Variants in MACROD2 observed in about 807,000 individuals in gnomAD.
MACROD2 encodes the protein mono-ADP ribosylhydrolase 2.
A neutral mutation model predicts 70.4 loss-of-function variants in MACROD2; 36 were observed. The observed-to-expected ratio is 0.51, with a 90% confidence interval of 0.39 to 0.68. The LOEUF (loss-of-function observed/expected upper bound fraction) is 0.68, where lower values mean the gene tolerates loss of function less well. Ranked by LOEUF, MACROD2 falls within the 30% of genes least tolerant of loss-of-function variation. The pLI is 0.00. For missense variants in MACROD2, 496 were observed against 538.4 expected (o/e 0.92, Z 0.78); for synonymous variants, 172 against 178.8 (o/e 0.96, Z 0.30).
At chr20:14,963,984 G>A (rs555263916) in intron 5 of MACROD2, among the ~76,000 whole-genome samples, 1 of 152,142 alleles carries the variant, frequency 6.6e-6, no homozygotes, top group Non-Finnish European at 1.5e-5. Context: ...TAATTCCTTG[G>A]TAGAGGGAGT....
At chr20:15,759,641 G>A (rs189587514) in intron 8 of MACROD2, among the ~76,000 whole-genome samples, 214 of 152,228 alleles carry the variant, frequency 1.4e-3, no homozygotes, top group Non-Finnish European at 2.4e-3. Flanking sequence ...GCACTCTACC[G>A]GGAGTTTAAA....
intron 3 of MACROD2, among the ~76,000 whole-genome samples, chr20:14,224,364 G>A (rs936937968): frequency 1.3e-5 from 2 of 152,162 alleles, no homozygotes; most frequent in Admixed American, 6.5e-5. Context: ...TGCTAAGACC[G>A]TGTGCCTTTC....
At chr20:14,498,377 C>T (rs367884920) in intron 4 of MACROD2, among the ~76,000 whole-genome samples, 2 of 152,226 alleles carry the variant, frequency 1.3e-5, no homozygotes, top group Admixed American at 6.5e-5. Context: ...ACACACCCAT[C>T]ATCTGTTTCT....
intron 5 of MACROD2, among the ~76,000 whole-genome samples, chr20:14,736,806 G>A (rs2071670370): frequency 6.6e-6 from 1 of 152,096 alleles, no homozygotes; most frequent in Non-Finnish European, 1.5e-5. Flanking sequence ...TAATTGGTCT[G>A]TTTCCGAAGC....
intron 5 of MACROD2, among the ~76,000 whole-genome samples, chr20:14,840,459 GC>G (rs568705315): frequency 1.5e-4 from 23 of 152,152 alleles, no homozygotes; most frequent in African/African-American, 4.3e-4. Context: ...CTGGTCTTGG[GC>G]TCTTGGACTC....
chr20:15,224,593 C>G (rs1432588364), intron 5 of MACROD2, among the ~76,000 whole-genome samples: 1 of 152,152 alleles, frequency 6.6e-6, no homozygotes, highest in Non-Finnish European at 1.5e-5. Context: ...GACAATTATT[C>G]AAAATTCTTT....
intron 3 of MACROD2, among the ~76,000 whole-genome samples, chr20:14,242,791 C>T (rs1295442663): frequency 6.6e-6 from 1 of 152,076 alleles, no homozygotes; most frequent in Admixed American, 6.6e-5. Context: ...GTAAAAATTA[C>T]TTTAAATTCA....
intron 5 of MACROD2, among the ~76,000 whole-genome samples, chr20:15,123,175 A>G (rs2076042883): frequency 6.6e-6 from 1 of 152,084 alleles, no homozygotes; most frequent in East Asian, 1.9e-4. Context: ...AGTTGAAGAG[A>G]TTTTCCTTTC....
At chr20:15,964,900 G>A (rs2066117072) in intron 12 of MACROD2, among the ~76,000 whole-genome samples, 1 of 152,186 alleles carries the variant, frequency 6.6e-6, no homozygotes, top group Admixed American at 6.5e-5. Context: ...TGTGTGTGGA[G>A]GTAGAACCAT....
intron 3 of MACROD2, among the ~76,000 whole-genome samples, chr20:14,489,431 A>G (rs2084769404): frequency 6.6e-6 from 1 of 152,218 alleles, no homozygotes; most frequent in Admixed American, 6.5e-5. Flanking sequence ...TCCTACTTAA[A>G]GAGCTTCAAA....
At chr20:14,898,621 G>C (rs1432488739) in intron 5 of MACROD2, among the ~76,000 whole-genome samples, 1 of 152,096 alleles carries the variant, frequency 6.6e-6, no homozygotes, top group East Asian at 1.9e-4. Flanking sequence ...AATTAGCTGG[G>C]CTATAGTCTG....
intron 6 of MACROD2, among the ~76,000 whole-genome samples, chr20:15,323,812 G>A (rs1467088327): frequency 6.6e-6 from 1 of 151,876 alleles, no homozygotes; most frequent in African/African-American, 2.4e-5. Flanking sequence ...TGTATCCCCA[G>A]TGTCTAATGC....
At chr20:15,535,937 T>C (rs2047868507) in intron 8 of MACROD2, among the ~76,000 whole-genome samples, 2 of 152,194 alleles carry the variant, frequency 1.3e-5, no homozygotes, top group African/African-American at 4.8e-5. Flanking sequence ...CATGAAAGAA[T>C]GTTCCCAGAA....
At chr20:14,843,975 C>T (rs969904622) in intron 5 of MACROD2, among the ~76,000 whole-genome samples, 1 of 152,128 alleles carries the variant, frequency 6.6e-6, no homozygotes, top group African/African-American at 2.4e-5. Context: ...ATTAGCACCA[C>T]TTCCACCATC....
Position 15,757,667 on chromosome 20 carries a change from G to A in MACROD2, c.646-105078G>A, listed in dbSNP as rs573489641. On this transcript the variant is annotated intron_variant, in intron 8 of 17. Transcript: ENST00000684519. ...TTATTTCTCATACTTCTAGAGGCTG[G>A]GAAGTCCAAGAGCAGATTCGGTTCC... Among the ~76,000 whole-genome samples the A allele has an allele frequency of 2.0e-5, 3 of 152,156 alleles. No homozygotes were observed. The East Asian group carries it at 5.8e-4, about 29-fold the overall frequency.
intron 15 of MACROD2, among the ~76,000 whole-genome samples, chr20:15,995,900 CTATT>C (rs1479441322): frequency 1.3e-5 from 2 of 151,058 alleles, no homozygotes; most frequent in Admixed American, 6.6e-5. Context: ...ACATTTTTCT[CTATT>C]TATGCATCTA....
intron 5 of MACROD2, among the ~76,000 whole-genome samples, chr20:14,937,203 T>A (rs532289936): frequency 1.1e-3 from 174 of 151,330 alleles, no homozygotes; most frequent in South Asian, 2.7e-3. Flanking sequence ...GGGGTGGAGG[T>A]AGCGTAGGCC....
rs1052090124 is a variant in MACROD2 at position 15,526,259 on chromosome 20, CA to C, written c.645+26416del. ...CCTCATTCCCTTGCTGTAAGTTAGA[CA>C]AAATAAGCTAGCTGGACCCCAAATA... On this transcript the variant is annotated intron_variant, in intron 8 of 17. Coordinates refer to ENST00000684519, the MANE Select transcript of MACROD2 (RefSeq NM_001351661.2). Among the ~76,000 whole-genome samples, 10 of 151,966 alleles carry C rather than the reference CA, an allele frequency of 6.6e-5. 1 individual carries two copies. Among genetic ancestry groups the C allele is most frequent in the South Asian group, 4.1e-4 (2 of 4,826 alleles).
intron 3 of MACROD2, among the ~76,000 whole-genome samples, chr20:14,493,145 C>G (rs2084813114): frequency 6.6e-6 from 1 of 151,726 alleles, no homozygotes; most frequent in African/African-American, 2.4e-5. Flanking sequence ...TAATATTGTT[C>G]TATTCTACTT....
Sources: allele counts gnomAD v4.1 joint callset (sites outside exome capture counted in the v4.1 genomes callset), GRCh38; gene constraint gnomAD v4.1.1; transcripts MANE v1.5; gene names NCBI Gene and HGNC (gene_info 2026-07-23, HGNC 2026-07-21).